CCDC169: variants seen among roughly 807,000 people sequenced by gnomAD.
CCDC169 encodes the protein coiled-coil domain containing 169, also known as coiled-coil domain-containing protein 169.
A neutral mutation model predicts 36.0 loss-of-function variants in CCDC169; 30 were observed. The ratio of observed to expected loss-of-function variants is 0.83; its 90% confidence interval spans 0.62 to 1.13. The LOEUF is 1.13. Among genes scored for constraint, CCDC169 ranks in the 50% most tolerant of loss-of-function variants. CCDC169 has a pLI of 0.00. For synonymous variants in CCDC169, 85 were observed against 81.5 expected, an observed-to-expected ratio of 1.04 and a Z score of -0.23; for missense variants, 245 against 245.9, an observed-to-expected ratio of 1.00 and a Z score of 0.03.
At chr13:36,224,457 C>CA (rs1869758445), downstream of CCDC169, 1 of 152,020 alleles carries the variant, frequency 6.6e-6, no homozygotes, top group South Asian at 2.1e-4. Context: ...AATCAATGTA[C>CA]AAAAAATCAA....
downstream of CCDC169, among the ~76,000 whole-genome samples, chr13:36,228,147 C>T (rs1167080852): frequency 2.6e-5 from 4 of 152,138 alleles, no homozygotes; most frequent in Admixed American, 1.3e-4. Context: ...CATGTTTTTA[C>T]GTGGACATGG....
intron 4 of CCDC169, among the ~76,000 whole-genome samples, chr13:36,276,875 C>G (rs1187658397): frequency 6.6e-6 from 1 of 152,086 alleles, no homozygotes; most frequent in African/African-American, 2.4e-5. Flanking sequence ...AAGTTGTGCT[C>G]TGTAATAGAG....
intron 4 of CCDC169, among the ~76,000 whole-genome samples, chr13:36,268,855 A>G (rs1156277158): frequency 6.6e-6 from 1 of 152,190 alleles, no homozygotes; most frequent in African/African-American, 2.4e-5. Context: ...CTGTAATCCC[A>G]GCACTTTGGG....
At chr13:36,283,352 C>T (rs1031418155) in intron 4 of CCDC169, 117 bp downstream of exon 4, 3 of 978,288 alleles carry the variant, frequency 3.1e-6, no homozygotes, top group African/African-American at 3.3e-5. Context: ...ATCCCTTGAA[C>T]AAAACAGTTT....
intron 7 of CCDC169, among the ~76,000 whole-genome samples, chr13:36,236,153 T>C (rs919198686): frequency 2.6e-5 from 4 of 151,920 alleles, no homozygotes; most frequent in Non-Finnish European, 5.9e-5. Context: ...GACAAGTGGA[T>C]CCTAAATCCA....
chr13:36,236,873 T>C (rs1871141498), intron 7 of CCDC169, among the ~76,000 whole-genome samples: 1 of 152,026 alleles, frequency 6.6e-6, no homozygotes, highest in African/African-American at 2.4e-5. Flanking sequence ...AGGACCCCCA[T>C]GGATACCAAA....
chr13:36,242,457 TA>T (rs1871951101), intron 7 of CCDC169, among the ~76,000 whole-genome samples: 1 of 152,190 alleles, frequency 6.6e-6, no homozygotes, highest in Admixed American at 6.5e-5. Flanking sequence ...AGGAGGATAC[TA>T]ACTTCCAGAG....
Position 36,294,317 on chromosome 13 carries a change from T to C in CCDC169, c.163+1461A>G, listed in dbSNP as rs138503130. Among the ~76,000 whole-genome samples, 625 of 152,304 alleles carry C rather than the reference T, an allele frequency of 4.1e-3. 8 individuals carry two copies. Among genetic ancestry groups the C allele is most frequent in the African/African-American group, 0.014 (593 of 41,556 alleles). ...GCATGCCTTCTGTTTTTCCTGTAAC[T>C]GGGTACATGAGGACGTTCCAGTTAC... On this transcript the variant is annotated intron_variant, in intron 2 of 7. Coordinates refer to ENST00000239859, the MANE Select transcript of CCDC169 (RefSeq NM_001144981.3).
chr13:36,267,572 CAATT>C (rs1208812752), intron 4 of CCDC169, among the ~76,000 whole-genome samples: 3 of 152,000 alleles, frequency 2.0e-5, no homozygotes, highest in Admixed American at 1.3e-4. Flanking sequence ...ATCTAGGTAA[CAATT>C]AATATGATGA....
At chr13:36,267,844 T>TA (rs1875532449) in intron 4 of CCDC169, among the ~76,000 whole-genome samples, 2 of 151,468 alleles carry the variant, frequency 1.3e-5, no homozygotes, top group African/African-American at 2.4e-5. Context: ...AATAACACAT[T>TA]AAAAAAAAGC....
intron 2 of CCDC169, among the ~76,000 whole-genome samples, chr13:36,287,869 C>CT (rs1179836059): frequency 6.6e-6 from 1 of 152,000 alleles, no homozygotes; most frequent in Non-Finnish European, 1.5e-5. Context: ...ACAAATAAGA[C>CT]TAACTTGTTA....
chr13:36,257,317 T>C (rs1273601961), intron 4 of CCDC169, among the ~76,000 whole-genome samples: 3 of 152,052 alleles, frequency 2.0e-5, no homozygotes, highest in African/African-American at 4.8e-5. Flanking sequence ...CACACAATCC[T>C]CTCAGGGCAC....
chr13:36,234,812 T>C (rs1870877538), intron 7 of CCDC169, among the ~76,000 whole-genome samples: 1 of 152,102 alleles, frequency 6.6e-6, no homozygotes, highest in Non-Finnish European at 1.5e-5. Context: ...AAACCTGCCC[T>C]ATAAAAAAAT....
At chr13:36,238,256 CT>C (rs1269212872) in intron 7 of CCDC169, among the ~76,000 whole-genome samples, 3 of 152,064 alleles carry the variant, frequency 2.0e-5, no homozygotes, top group African/African-American at 7.2e-5. Flanking sequence ...GAGTTGTACA[CT>C]TTATTATTTT....
downstream of CCDC169, among the ~76,000 whole-genome samples, chr13:36,228,917 T>C (rs1870131967): frequency 6.6e-6 from 1 of 152,196 alleles, no homozygotes; most frequent in African/African-American, 2.4e-5. Context: ...TCTCTACTTG[T>C]ATATTCCTTC....
intron 2 of CCDC169, among the ~76,000 whole-genome samples, chr13:36,285,607 A>ATAGATAGATAGATAGC (rs1180330152): frequency 5.4e-5 from 8 of 149,162 alleles, no homozygotes; most frequent in Non-Finnish European, 1.2e-4. Flanking sequence ...AGATAGATAG[A>ATAGATAGATAGATAGC]TAGATAGATA....
chr13:36,286,325 G>C (rs756026490), intron 2 of CCDC169, among the ~76,000 whole-genome samples: 2 of 152,210 alleles, frequency 1.3e-5, no homozygotes, highest in Non-Finnish European at 2.9e-5. Flanking sequence ...GCATTAGTCA[G>C]AGTGTACCCA....
At chr13:36,262,913 CTT>C (rs924615539) in intron 4 of CCDC169, among the ~76,000 whole-genome samples, 3 of 152,146 alleles carry the variant, frequency 2.0e-5, no homozygotes, top group African/African-American at 7.2e-5. Flanking sequence ...AGTGAAAACT[CTT>C]TTGGTATAAA....
chr13:36,284,648 T>G (rs1330192004), intron 2 of CCDC169, among the ~76,000 whole-genome samples: 1 of 152,186 alleles, frequency 6.6e-6, no homozygotes, highest in Non-Finnish European at 1.5e-5. Flanking sequence ...CAGCCTAAAA[T>G]TAAAAGGTCT....
Sources: gnomAD v4.1 joint callset for allele counts (sites outside exome capture counted in the v4.1 genomes callset) on GRCh38, gnomAD v4.1.1 for gene constraint, MANE v1.5 for transcripts, NCBI Gene and HGNC (gene_info 2026-07-23, HGNC 2026-07-21) for gene names.